AK9: variants seen among roughly 807,000 people sequenced by gnomAD.
AK9 encodes adenylate kinase 9, also known as adenylate kinase domain containing 1.
A neutral mutation model predicts 239.6 loss-of-function variants in AK9; 191 were observed. The observed-to-expected ratio is 0.80, with a 90% confidence interval of 0.71 to 0.90. The LOEUF is 0.90. Ranked by LOEUF, AK9 falls within the 40% of genes least tolerant of loss-of-function variation. AK9 has a pLI of 0.00. For synonymous variants in AK9, 689 were observed against 721.0 expected (o/e 0.96, Z 0.71); for missense variants, 1,995 against 2,214.7 (o/e 0.90, Z 1.99).
At chr6:109,632,742 A>C in intron 12 of AK9, 181 bp downstream of exon 12, 1 of 1,297,510 alleles carries the variant, frequency 7.7e-7, no homozygotes, top group South Asian at 1.8e-5. Context: ...CAACAAAAAG[A>C]ATGCCTACCC....
intron 17 of AK9, among the ~76,000 whole-genome samples, chr6:109,590,703 T>C (rs1386048155): frequency 2.6e-5 from 4 of 152,130 alleles, no homozygotes; most frequent in Admixed American, 6.6e-5. Flanking sequence ...GTACGTCAAA[T>C]GCTTTTGGTA....
intron 17 of AK9, among the ~76,000 whole-genome samples, chr6:109,587,577 T>A (rs1789671056): frequency 6.6e-6 from 1 of 152,212 alleles, no homozygotes; most frequent in Non-Finnish European, 1.5e-5. Context: ...ACACATTGTT[T>A]AGCTCCCAAT....
At chr6:109,591,274 C>A (rs1790203874) in intron 17 of AK9, among the ~76,000 whole-genome samples, 1 of 151,840 alleles carries the variant, frequency 6.6e-6, no homozygotes, top group Non-Finnish European at 1.5e-5. Context: ...ATATAATGAC[C>A]TTCTTTGTCT....
chr6:109,662,500 A>G, intron 6 of AK9, 51 bp downstream of exon 6: 1 of 1,322,992 alleles, frequency 7.6e-7, no homozygotes, highest in Non-Finnish European at 9.9e-7. Context: ...GAATTTAACT[A>G]CTATCAAAAA....
At chr6:109,652,562 T>A (rs1041787800) in intron 8 of AK9, among the ~76,000 whole-genome samples, 3 of 152,250 alleles carry the variant, frequency 2.0e-5, no homozygotes, top group African/African-American at 7.2e-5. Flanking sequence ...GATTATGTAC[T>A]GTGGATATAG....
At chr6:109,615,490 G>T (rs1794074368) in intron 13 of AK9, among the ~76,000 whole-genome samples, 1 of 152,110 alleles carries the variant, frequency 6.6e-6, no homozygotes, top group Non-Finnish European at 1.5e-5. Flanking sequence ...GCTTCAGTTT[G>T]TAAGTTGACT....
chr6:109,627,069 T>A (rs371373802), intron 12 of AK9, among the ~76,000 whole-genome samples: 1 of 151,594 alleles, frequency 6.6e-6, no homozygotes, highest in Admixed American at 6.6e-5. Flanking sequence ...AAACTCATTG[T>A]ACAGATGTAC....
In AK9 at chr6:109,514,289, T is replaced by A. The variant is rs1208116889; in HGVS notation, c.4214A>T (p.Lys1405Ile). 1.3e-6 allele frequency: 2 copies of A among 1,551,762 alleles called. No individual in the cohort carries two copies. The highest frequency in any genetic ancestry group is 4.9e-5 in the East Asian group (2 of 40,932). The change falls in exon 32 of 41, where the codon AAA becomes ATA. Residue 1405 changes from lysine to isoleucine, a missense_variant. Physicochemically the swap from Lys to Ile is moderately radical, Grantham distance 102 (BLOSUM62 -3). This residue lies in a region of AK9 where 1,290 missense variants were observed against 1,392.7 expected (regional missense o/e 0.93). Transcript: ENST00000424296. ...KNPIKYIRQPKPKPTVPIRII... is the reference protein window; with the variant it reads ...KNPIKYIRQPIPKPTVPIRII... ...CCTAATGGGCACAGTAGGCTTAGGT[T>A]TGGGTTGGCGGATATATTTGATTGG...
chr6:109,675,702 A>G lies in AK9; in HGVS notation c.44T>C (p.Ile15Thr), dbSNP rs2128341536. 1.3e-6 allele frequency: 2 copies of G among 1,598,168 alleles called. No individual in the cohort carries two copies. The highest frequency in any genetic ancestry group is 1.1e-5 in the South Asian group (1 of 87,842). ...EKTEEYPFAD[I>T]FDEDETERNF... Reference sequence around the variant, plus strand: ...CCTTTCAGTTTCATCTTCATCAAATATATCTGCAAAAGGATACTCTTCTGT... The same window carrying G: ...CCTTTCAGTTTCATCTTCATCAAATGTATCTGCAAAAGGATACTCTTCTGT... Residue 15 changes from isoleucine (I) to threonine (T), a missense_variant, in exon 2 of 41, where the codon ATA (isoleucine) becomes ACA (threonine). Transcript: ENST00000424296.
At chr6:109,525,210 A>C (rs546786898) in intron 29 of AK9, among the ~76,000 whole-genome samples, 70 of 152,276 alleles carry the variant, frequency 4.6e-4, no homozygotes, top group African/African-American at 1.7e-3. Flanking sequence ...CCATTGCTCT[A>C]TGTATCTGTT....
intron 1 of AK9, among the ~76,000 whole-genome samples, chr6:109,680,314 G>C (rs1353823220): frequency 6.6e-6 from 1 of 152,078 alleles, no homozygotes; most frequent in Non-Finnish European, 1.5e-5. Flanking sequence ...GCATACACAA[G>C]TTTCAATAGC....
chr6:109,548,735 C>T (rs1053888003), intron 25 of AK9, among the ~76,000 whole-genome samples: 1 of 152,122 alleles, frequency 6.6e-6, no homozygotes, highest in African/African-American at 2.4e-5. Flanking sequence ...AACTGTTGCA[C>T]CCAGATCATC....
chr6:109,604,116 C>T (rs1792508291), intron 17 of AK9, among the ~76,000 whole-genome samples: 2 of 152,062 alleles, frequency 1.3e-5, no homozygotes, highest in Non-Finnish European at 1.5e-5. Flanking sequence ...TGAGATGAAC[C>T]CAGTACCTCA....
intron 17 of AK9, among the ~76,000 whole-genome samples, chr6:109,597,516 C>CA (rs1200305877): frequency 1.3e-5 from 2 of 151,796 alleles, no homozygotes; most frequent in East Asian, 1.9e-4. Context: ...ACTAAAAATA[C>CA]AAAAAAATTA....
intron 9 of AK9, 34 bp downstream of exon 9, chr6:109,644,577 CATG>C: frequency 2.0e-6 from 3 of 1,528,508 alleles, no homozygotes; most frequent in Non-Finnish European, 2.7e-6. Context: ...TTAAATTTTC[CATG>C]CTGTGAAGTA....
intron 12 of AK9, among the ~76,000 whole-genome samples, chr6:109,624,268 C>T (rs1923057): frequency 0.19 from 28,769 of 152,036 alleles, 3,198 homozygotes; most frequent in South Asian, 0.34. Context: ...GCTCTCCTTC[C>T]CCCACCATCT....
intron 19 of AK9, 100 bp from the exon 20 acceptor site, chr6:109,579,726 C>T (rs1254572409): frequency 4.2e-6 from 4 of 955,096 alleles, no homozygotes; most frequent in Non-Finnish European, 4.5e-6. Flanking sequence ...AAGATTAAAT[C>T]TTATTATACT....
chr6:109,551,200 TCTTA>T (rs540993200), intron 24 of AK9, among the ~76,000 whole-genome samples: 1 of 152,136 alleles, frequency 6.6e-6, no homozygotes, highest in Non-Finnish European at 1.5e-5. Flanking sequence ...CTTTTACTAT[TCTTA>T]CTTGATATTA....
chr6:109,675,644 A>G lies in AK9; in HGVS notation c.102T>C (p.Val34=), dbSNP rs984825612. 3.2e-6 allele frequency: 5 copies of G among 1,561,436 alleles called. No homozygotes were observed. In the African/African-American group the frequency reaches 5.5e-5, roughly 17 times the overall value. Residue 34 remains valine (V), a synonymous_variant, in exon 2 of 41, where the codon GTT becomes GTC. Transcript: ENST00000424296. ...GATAACTTACTGGTTTCCCAAATACAACAAAGCAAACAGGTTTGGACAACA... is the reference window on the plus strand; with the variant it reads ...GATAACTTACTGGTTTCCCAAATACGACAAAGCAAACAGGTTTGGACAACA... The part of the protein sequence containing the change: ...NFLLSKPVCF[V]VFGKPGVGKT...
Sources: gnomAD v4.1 joint callset for allele counts (sites outside exome capture counted in the v4.1 genomes callset) on GRCh38, gnomAD v4.1.1 for gene constraint, gnomAD v4.1.1 regional missense constraint, MANE v1.5 for transcripts, NCBI Gene and HGNC (gene_info 2026-07-23, HGNC 2026-07-21) for gene names.